PIEZO2: variants seen among roughly 807,000 people sequenced by gnomAD.
PIEZO2 encodes piezo type mechanosensitive ion channel component 2.
A neutral mutation model predicts 337.3 loss-of-function variants in PIEZO2; 172 were observed. That is an observed-to-expected ratio of 0.51 (90% CI 0.45 to 0.58). PIEZO2 has a LOEUF of 0.58. Among genes scored for constraint, PIEZO2 ranks in the 20% least tolerant of loss-of-function variants. The pLI, the probability that PIEZO2 is intolerant of heterozygous loss-of-function variation, is 0.00. For missense variants in PIEZO2, 3,028 were observed against 3,391.3 expected, an observed-to-expected ratio of 0.89 and a Z score of 2.66; for synonymous variants, 1,251 against 1,228.5, an observed-to-expected ratio of 1.02 and a Z score of -0.38.
chr18:10,714,065 C>T (rs1277985610), intron 39 of PIEZO2, among the ~76,000 whole-genome samples: 3 of 152,150 alleles, frequency 2.0e-5, no homozygotes, highest in East Asian at 1.9e-4. Flanking sequence ...ATTGCGGGTC[C>T]GCTTTTATAT....
intron 3 of PIEZO2, among the ~76,000 whole-genome samples, chr18:10,964,558 A>T (rs1248717268): frequency 6.6e-6 from 1 of 152,348 alleles, no homozygotes; most frequent in East Asian, 1.9e-4. Flanking sequence ...TTTAGTGAAT[A>T]CGGTATACTT....
intron 32 of PIEZO2, 83 bp from the exon 33 acceptor site, chr18:10,741,185 C>T: frequency 7.8e-7 from 1 of 1,278,328 alleles, no homozygotes; most frequent in Non-Finnish European, 1.1e-6. Flanking sequence ...ACTCAATTGT[C>T]AAATCTAGGT....
At chr18:11,034,781 G>A (rs1288438751) in intron 2 of PIEZO2, among the ~76,000 whole-genome samples, 1 of 152,084 alleles carries the variant, frequency 6.6e-6, no homozygotes, top group African/African-American at 2.4e-5. Context: ...GGAGGTGGAG[G>A]TTGCAGTGAG....
At chr18:11,086,274 A>C (rs976967488) in intron 1 of PIEZO2, among the ~76,000 whole-genome samples, 3 of 152,162 alleles carry the variant, frequency 2.0e-5, no homozygotes, top group Non-Finnish European at 4.4e-5. Flanking sequence ...TAATCCCAGC[A>C]CTTTGGGAGG....
At position 10,794,027 on chromosome 18, in the gene PIEZO2, A is replaced by G. The variant is rs2144200561; in HGVS notation, c.1758+745T>C. On this transcript the variant is annotated intron_variant, in intron 13 of 55. Coordinates refer to ENST00000674853, the MANE Select transcript of PIEZO2 (RefSeq NM_001378183.1). This position sits in a 1 kb window ranked among gnomAD's most constrained non-coding sequence, Gnocchi z 6.6. ...AAAGGTGAATTTCATGTAATTCATGAAATGACCATCTCCTCCAAAGACACT... is the reference window on the plus strand; with the variant it reads ...AAAGGTGAATTTCATGTAATTCATGGAATGACCATCTCCTCCAAAGACACT... Among the ~76,000 whole-genome samples the G allele has an allele frequency of 6.6e-6, 1 of 152,282 alleles. No homozygotes were observed. Among genetic ancestry groups the G allele is most frequent in the Admixed American group, 6.5e-5 (1 of 15,302 alleles).
chr18:10,948,141 A>G (rs1598734506), intron 3 of PIEZO2, among the ~76,000 whole-genome samples: 2 of 152,274 alleles, frequency 1.3e-5, no homozygotes, highest in African/African-American at 4.8e-5. Flanking sequence ...TTTCTAAGAC[A>G]TAGGTAATTT....
intron 3 of PIEZO2, among the ~76,000 whole-genome samples, chr18:10,921,564 T>C (rs1208749189): frequency 5.9e-5 from 9 of 152,208 alleles, no homozygotes; most frequent in South Asian, 2.1e-4. Context: ...CAGGACCCTG[T>C]GATAATTGCA....
intron 3 of PIEZO2, among the ~76,000 whole-genome samples, chr18:10,970,416 C>T (rs1053103497): frequency 6.6e-6 from 1 of 152,208 alleles, no homozygotes; most frequent in Non-Finnish European, 1.5e-5. Flanking sequence ...CACGGGTGCC[C>T]AGGGCCCCGG....
At chr18:10,736,963 ATCTGGTATGTTC>A (rs1417638218) in intron 33 of PIEZO2, among the ~76,000 whole-genome samples, 1 of 151,864 alleles carries the variant, frequency 6.6e-6, no homozygotes, top group Non-Finnish European at 1.5e-5. Context: ...TACAGGGTGG[ATCTGGTATGTTC>A]TCCCTTCTTC....
At position 10,762,518 on chromosome 18, in the gene PIEZO2, A is replaced by G. The variant is rs1358407647; in HGVS notation, c.3231T>C (p.Pro1077=). Residue 1077 remains proline, a synonymous_variant, in exon 23 of 56, where the codon CCT becomes CCC. Transcript: ENST00000674853. The part of the protein sequence containing the change: ...TEWVGLRKSS[P]LLVYLRNNLL... Reference sequence around the variant, plus strand: ...CCATTACCCTCAGGTAGACTAGCAGAGGCGAAGACTTCCGCAGGCCGACCC... The same window carrying G: ...CCATTACCCTCAGGTAGACTAGCAGGGGCGAAGACTTCCGCAGGCCGACCC... 1.3e-6 allele frequency: 2 copies of G among 1,537,306 alleles called. No homozygotes were observed. Among genetic ancestry groups the G allele is most frequent in the Admixed American group, 3.9e-5 (2 of 51,002 alleles).
In PIEZO2 at chr18:10,833,980, G is replaced by C. The variant is rs1358528336; in HGVS notation, c.917+21373C>G. 6.6e-6 allele frequency among the ~76,000 whole-genome samples: 1 copy of C among 152,118 alleles called. No homozygotes were observed. The highest frequency in any genetic ancestry group is 1.5e-5 in the Non-Finnish European group (1 of 68,014). ...AATAGGAGAGTGATTTAGAATACAG[G>C]CTTCAGAATTAGAGTTTTAAACATT... On this transcript the variant is annotated intron_variant, in intron 7 of 55. Coordinates refer to ENST00000674853, the MANE Select transcript of PIEZO2 (RefSeq NM_001378183.1). The surrounding 1 kb of genome is among the most constrained non-coding windows in gnomAD (Gnocchi z 4.7).
chr18:10,985,912 C>T (rs887139664), intron 2 of PIEZO2, among the ~76,000 whole-genome samples: 2 of 151,920 alleles, frequency 1.3e-5, no homozygotes, highest in Non-Finnish European at 2.9e-5. Context: ...AATGGGTTAA[C>T]TGCTCCCATT....
chr18:10,759,501 G>A lies in PIEZO2; in HGVS notation c.3738C>T (p.Pro1246=), dbSNP rs1366404464. ...ACTTACAGACGAGAAACACAGGGTT[G>A]GGCCGCACAATGAAATCTGGGAAGT... ...WLYFPDFIVR[P]NPVFLVYDFM... is the part of the protein sequence containing the mutation. The change falls in exon 26 of 56, where the codon CCC becomes CCT. Residue 1246 remains proline, a synonymous_variant. Transcript: ENST00000674853. The surrounding 1 kb of genome is among the most constrained non-coding windows in gnomAD (Gnocchi z 5.5). The A allele has an allele frequency of 6.5e-7, 1 of 1,536,832 alleles. No homozygotes were observed. The highest frequency in any genetic ancestry group is 2.4e-5 in the East Asian group (1 of 40,922).
At chr18:10,762,195 A>C (rs925549584) in intron 23 of PIEZO2, among the ~76,000 whole-genome samples, 2 of 152,214 alleles carry the variant, frequency 1.3e-5, no homozygotes, top group African/African-American at 2.4e-5. Context: ...TATATTTTAG[A>C]CATGCTTCAA....
intron 1 of PIEZO2, among the ~76,000 whole-genome samples, chr18:11,103,374 G>A (rs1410904371): frequency 6.6e-6 from 1 of 152,076 alleles, no homozygotes; most frequent in Non-Finnish European, 1.5e-5. Flanking sequence ...TATTTATTAA[G>A]AGTGATGGAG....
Position 11,035,848 on chromosome 18 carries a change from C to G in PIEZO2, c.160+30279G>C, listed in dbSNP as rs796583401. 6.6e-6 allele frequency among the ~76,000 whole-genome samples: 1 copy of G among 152,212 alleles called. No individual in the cohort carries two copies. Among genetic ancestry groups the G allele is most frequent in the Non-Finnish European group, 1.5e-5 (1 of 68,048 alleles). On this transcript the variant is annotated intron_variant, in intron 2 of 55. Transcript: ENST00000674853. This position sits in a 1 kb window ranked among gnomAD's most constrained non-coding sequence, Gnocchi z 4.3. Reference sequence around the variant, plus strand: ...CTCTTAAAGCCCATGGGTGTCTCCCCTAATGAACAGCAAATAATATCTGTA... The same window carrying G: ...CTCTTAAAGCCCATGGGTGTCTCCCGTAATGAACAGCAAATAATATCTGTA...
rs182157191 is a variant in PIEZO2, at chr18:10,783,156, T to G, written c.2492+1628A>C. ...TTGGAAGAAAAAAAAGATTTTTTTT[T>G]AAAAAAGATTTCACTAGCAATGCTT... On this transcript the variant is annotated intron_variant, in intron 17 of 55. Coordinates refer to ENST00000674853, the MANE Select transcript of PIEZO2 (RefSeq NM_001378183.1). This position sits in a 1 kb window ranked among gnomAD's most constrained non-coding sequence, Gnocchi z 4.3. Among the ~76,000 whole-genome samples the G allele has an allele frequency of 6.6e-6, 1 of 151,972 alleles. No individual in the cohort carries two copies. Among genetic ancestry groups the G allele is most frequent in the Non-Finnish European group, 1.5e-5 (1 of 67,926 alleles).
chr18:10,864,495 T>C (rs1361188395), intron 5 of PIEZO2, among the ~76,000 whole-genome samples: 1 of 152,218 alleles, frequency 6.6e-6, no homozygotes, highest in Non-Finnish European at 1.5e-5. Flanking sequence ...TAAATGTGAT[T>C]TTTTTAAAAA....
intron 5 of PIEZO2, among the ~76,000 whole-genome samples, chr18:10,865,452 A>C (rs2041980721): frequency 6.6e-6 from 1 of 152,080 alleles, no homozygotes. Context: ...AGAAAAGTGG[A>C]CTGATTTCAG....
Sources: gnomAD v4.1 joint callset for allele counts (sites outside exome capture counted in the v4.1 genomes callset) on GRCh38, gnomAD v4.1.1 for gene constraint, Gnocchi (gnomAD v3.1) non-coding constraint, MANE v1.5 for transcripts, NCBI Gene and HGNC (gene_info 2026-07-23, HGNC 2026-07-21) for gene names.